The following SAMD12 variants were observed in gnomAD, a reference collection of about 807,000 sequenced individuals.
The protein encoded by SAMD12 is sterile alpha motif domain containing 12, also known as sterile alpha motif domain-containing protein 12.
Under a neutral mutation model 15.0 loss-of-function variants are expected in SAMD12, and 9 were observed. The observed-to-expected ratio is 0.60, with a 90% confidence interval of 0.36 to 1.05. The LOEUF is 1.05. Among genes scored for constraint, SAMD12 ranks in the 50% least tolerant of loss-of-function variants. The probability of loss-of-function intolerance (pLI) is 0.01; values close to 1 mark genes in which losing one functional copy is unlikely to be tolerated. For missense variants in SAMD12, 230 were observed against 234.2 expected (o/e 0.98, Z 0.12); for synonymous variants, 86 against 90.1 (o/e 0.96, Z 0.25).
At chr8:118,533,535 T>G (rs1052131758) in intron 2 of SAMD12, among the ~76,000 whole-genome samples, 7 of 152,148 alleles carry the variant, frequency 4.6e-5, no homozygotes, top group Non-Finnish European at 8.8e-5. Flanking sequence ...ATGTTGACAG[T>G]GGGGTGTTAA....
At chr8:118,532,419 C>T (rs1448300775) in intron 2 of SAMD12, among the ~76,000 whole-genome samples, 1 of 151,990 alleles carries the variant, frequency 6.6e-6, no homozygotes, top group Non-Finnish European at 1.5e-5. Flanking sequence ...TGTGTCTCTG[C>T]CAGGCTTTGA....
intron 2 of SAMD12, among the ~76,000 whole-genome samples, chr8:118,541,979 G>T (rs1050302315): frequency 6.6e-6 from 1 of 152,168 alleles, no homozygotes; most frequent in African/African-American, 2.4e-5. Flanking sequence ...AAGCTATGGT[G>T]CCCAGCAATA....
intron 4 of SAMD12, among the ~76,000 whole-genome samples, chr8:118,293,180 G>A (rs895061079): frequency 2.6e-5 from 4 of 152,092 alleles, no homozygotes; most frequent in African/African-American, 9.7e-5. Flanking sequence ...AGTGCTAATG[G>A]CAGAAACCAG....
downstream of SAMD12, chr8:118,375,758 C>T (rs1405998139): frequency 6.6e-6 from 1 of 152,052 alleles, no homozygotes; most frequent in Non-Finnish European, 1.5e-5. Flanking sequence ...TTTCATCAAA[C>T]AAAGTGACAT....
chr8:118,232,350 G>C (rs1388180825), intron 4 of SAMD12, among the ~76,000 whole-genome samples: 2 of 152,110 alleles, frequency 1.3e-5, no homozygotes, highest in Non-Finnish European at 2.9e-5. Context: ...TTACCAGAAG[G>C]GGAGAGAGGA....
chr8:118,566,513 G>C (rs997503314), intron 2 of SAMD12, among the ~76,000 whole-genome samples: 2 of 152,144 alleles, frequency 1.3e-5, no homozygotes, highest in African/African-American at 4.8e-5. Flanking sequence ...CAGAGAAGGA[G>C]CCTAATATAC....
At chr8:118,513,457 A>C (rs1825143068) in intron 2 of SAMD12, among the ~76,000 whole-genome samples, 1 of 152,234 alleles carries the variant, frequency 6.6e-6, no homozygotes, top group Non-Finnish European at 1.5e-5. Context: ...GATGCTTCCC[A>C]AAACAGCCAC....
rs531798726 is a variant in SAMD12, at chr8:118,436,971, C to A, written c.322+2861G>T. Among the ~76,000 whole-genome samples the A allele has an allele frequency of 2.0e-5, 3 of 152,144 alleles. No homozygotes were observed. In the East Asian group the frequency reaches 5.8e-4, roughly 29 times the overall value. On this transcript the variant is annotated intron_variant, in intron 3 of 3. Coordinates refer to ENST00000314727, the MANE Select transcript of SAMD12 (RefSeq NM_207506.3). ...CAACCTTTACAAAATCACAAGGTTG[C>A]GATGCAGCTCTGGGCTGTGACCTGG... is the stretch of plus-strand genomic sequence containing the variant.
At chr8:118,351,344 T>C (rs1211888811) in intron 4 of SAMD12, among the ~76,000 whole-genome samples, 3 of 152,168 alleles carry the variant, frequency 2.0e-5, no homozygotes, top group African/African-American at 7.2e-5. Context: ...CAAAGCTGGG[T>C]CAATTAGAGT....
intron 3 of SAMD12, among the ~76,000 whole-genome samples, chr8:118,391,583 G>C: frequency 6.6e-6 from 1 of 152,166 alleles, no homozygotes; most frequent in Non-Finnish European, 1.5e-5. Flanking sequence ...GGGCATGCTG[G>C]TTCCTACATG....
At chr8:118,241,523 C>T (rs1306036151) in intron 4 of SAMD12, among the ~76,000 whole-genome samples, 11 of 152,102 alleles carry the variant, frequency 7.2e-5, no homozygotes, top group Admixed American at 7.2e-4. Flanking sequence ...TGGTAAGTGA[C>T]TTTTTCATGG....
At chr8:118,595,526 GA>G (rs919144111) in intron 1 of SAMD12, among the ~76,000 whole-genome samples, 1 of 151,894 alleles carries the variant, frequency 6.6e-6, no homozygotes, top group East Asian at 1.9e-4. Flanking sequence ...AGGGAGAAGG[GA>G]AAAAAAATCA....
intron 2 of SAMD12, among the ~76,000 whole-genome samples, chr8:118,571,833 T>C (rs1227943974): frequency 6.6e-6 from 1 of 152,204 alleles, no homozygotes; most frequent in Non-Finnish European, 1.5e-5. Flanking sequence ...GAACCTCTGC[T>C]AGGACAGTGA....
intron 2 of SAMD12, among the ~76,000 whole-genome samples, chr8:118,532,237 G>T (rs1825709461): frequency 6.6e-6 from 1 of 152,188 alleles, no homozygotes. Context: ...GATGGATTAT[G>T]TTTATTGATT....
At chr8:118,306,203 G>T (rs934601850) in intron 4 of SAMD12, among the ~76,000 whole-genome samples, 2 of 152,132 alleles carry the variant, frequency 1.3e-5, no homozygotes, top group African/African-American at 4.8e-5. Flanking sequence ...TGGCATCTGT[G>T]TTCCTGACTA....
chr8:118,153,475 TA>T, the SAMD12 span, among the ~76,000 whole-genome samples: 12 of 151,708 alleles, frequency 7.9e-5, no homozygotes, highest in East Asian at 5.8e-4. Context: ...CAGAGAGGGG[TA>T]AAAAAAATGG....
intron 1 of SAMD12, among the ~76,000 whole-genome samples, chr8:118,616,394 C>T (rs1828240528): frequency 6.6e-6 from 1 of 152,098 alleles, no homozygotes; most frequent in African/African-American, 2.4e-5. Flanking sequence ...TAGAAAGTAC[C>T]ACCAGTAGAA....
At chr8:118,272,567 T>G (rs1189027632) in intron 4 of SAMD12, among the ~76,000 whole-genome samples, 1 of 152,228 alleles carries the variant, frequency 6.6e-6, no homozygotes, top group Non-Finnish European at 1.5e-5. Context: ...TCTTTTCTGT[T>G]GCATCGTCAT....
At chr8:118,319,991 G>A (rs1328352052) in intron 4 of SAMD12, among the ~76,000 whole-genome samples, 2 of 152,152 alleles carry the variant, frequency 1.3e-5, no homozygotes, top group Admixed American at 6.6e-5. Flanking sequence ...TTACCAAGGA[G>A]AATACTGGAT....
Sources: allele counts gnomAD v4.1 joint callset (sites outside exome capture counted in the v4.1 genomes callset), GRCh38; gene constraint gnomAD v4.1.1; transcripts MANE v1.5; gene names NCBI Gene and HGNC (gene_info 2026-07-23, HGNC 2026-07-21).